MMP26: variants seen among roughly 807,000 people sequenced by gnomAD.
MMP26 encodes the protein matrix metallopeptidase 26, also known as matrix metalloproteinase-26.
In MMP26, 33 loss-of-function variants were observed where a neutral mutation model predicts 31.0. The ratio of observed to expected loss-of-function variants is 1.06; its 90% CI spans 0.81 to 1.42. The LOEUF (loss-of-function observed/expected upper bound fraction) is 1.42. MMP26 is among the 40% of genes most tolerant of loss of function. The pLI is 0.00. For missense variants in MMP26, 347 were observed against 316.1 expected, an observed-to-expected ratio of 1.10 and a Z score of -0.74; for synonymous variants, 122 against 114.9, an observed-to-expected ratio of 1.06 and a Z score of -0.40.
At chr11:4,857,061 A>C (rs1016783656) in intron 2 of MMP26, among the ~76,000 whole-genome samples, 2 of 152,210 alleles carry the variant, frequency 1.3e-5, no homozygotes, top group Non-Finnish European at 2.9e-5. Flanking sequence ...TCTCTGGGAC[A>C]CATTTAAAGC....
rs1486676515 is a variant in MMP26, at chr11:4,821,589, C to T, written c.-145+54248C>T. Reference sequence around the variant, plus strand: ...TGTTTGTGGTCCTCTGTGAACGGAGCCTCCATAAGCCTATGTACTATTTCC... The same window carrying T: ...TGTTTGTGGTCCTCTGTGAACGGAGTCTCCATAAGCCTATGTACTATTTCC... On this transcript the variant is annotated intron_variant, in intron 2 of 7. Coordinates refer to ENST00000380390, the MANE Select transcript of MMP26 (RefSeq NM_021801.5). 1.9e-6 allele frequency: 3 copies of T among 1,613,346 alleles called. No individual in the cohort carries two copies. The South Asian group carries it at 3.3e-5, about 18-fold the overall frequency.
chr11:4,838,672 G>A (rs1183983397), intron 2 of MMP26, among the ~76,000 whole-genome samples: 13 of 152,084 alleles, frequency 8.5e-5, no homozygotes, highest in Non-Finnish European at 1.2e-4. Context: ...TTGGAGGAAT[G>A]AGGAATTTCT....
chr11:4,830,038 C>G (rs764017684), intron 2 of MMP26: 5 of 152,116 alleles, frequency 3.3e-5, no homozygotes, highest in Non-Finnish European at 7.4e-5. Flanking sequence ...CAAATCAAAG[C>G]AAAATTAAAA....
At chr11:4,992,155 A>G (rs1847017098) in intron 7 of MMP26, 30 bp downstream of exon 7, 7 of 1,609,564 alleles carry the variant, frequency 4.3e-6, no homozygotes, top group Non-Finnish European at 5.9e-6. Flanking sequence ...GAGAAGGGAG[A>G]TCTGGGCAGG....
intron 2 of MMP26, among the ~76,000 whole-genome samples, chr11:4,942,087 C>T (rs1564811472): frequency 1.1e-4 from 1 of 9,306 alleles, no homozygotes; most frequent in Non-Finnish European, 2.1e-4. Flanking sequence ...GAGAGTCCAT[C>T]TCAAAAAAAA....
chr11:4,849,309 A>T (rs1324182134), intron 2 of MMP26: 2 of 1,298,546 alleles, frequency 1.5e-6, no homozygotes, highest in African/African-American at 1.5e-5. Context: ...AATAGCCTGC[A>T]TCTTCCCTTC....
intron 2 of MMP26, among the ~76,000 whole-genome samples, chr11:4,772,721 C>A (rs964438004): frequency 1.3e-5 from 2 of 152,182 alleles, no homozygotes; most frequent in Non-Finnish European, 2.9e-5. Context: ...GATGCAGACA[C>A]TTTACAGTCT....
chr11:4,795,110 C>T (rs1055239866), intron 2 of MMP26: 1 of 152,192 alleles, frequency 6.6e-6, no homozygotes, highest in African/African-American at 2.4e-5. Flanking sequence ...GTAAGACCAC[C>T]TCACTCATCA....
chr11:4,776,476 T>C (rs562849015), intron 2 of MMP26, among the ~76,000 whole-genome samples: 2 of 147,702 alleles, frequency 1.4e-5, no homozygotes, highest in South Asian at 2.1e-4. Flanking sequence ...TTTTTAATAA[T>C]AGCATTTCTG....
At chr11:4,871,543 C>T (rs1589925263) in intron 2 of MMP26, among the ~76,000 whole-genome samples, 1 of 152,060 alleles carries the variant, frequency 6.6e-6, no homozygotes, top group African/African-American at 2.4e-5. Flanking sequence ...GGGAATAAGA[C>T]AAAGTAGACT....
At chr11:4,804,076 AT>A in intron 2 of MMP26, 1 of 1,614,106 alleles carries the variant, frequency 6.2e-7, no homozygotes, top group Non-Finnish European at 8.5e-7. Context: ...GAACACCTGG[AT>A]GAGGCAGGCA....
At chr11:4,869,249 G>A (rs1024717970) in intron 2 of MMP26, among the ~76,000 whole-genome samples, 22 of 151,812 alleles carry the variant, frequency 1.4e-4, no homozygotes, top group Non-Finnish European at 2.4e-4. Context: ...CTTCTGCACA[G>A]CAAAAGAAAC....
intron 2 of MMP26, chr11:4,946,757 G>T: frequency 6.3e-7 from 1 of 1,588,450 alleles, no homozygotes; most frequent in Non-Finnish European, 8.6e-7. Flanking sequence ...CAGGAGGACT[G>T]AGGACTCCAG....
chr11:4,897,786 T>A (rs1168389297), intron 2 of MMP26, among the ~76,000 whole-genome samples: 3 of 151,738 alleles, frequency 2.0e-5, no homozygotes, highest in Non-Finnish European at 4.4e-5. Context: ...ATAATGTGCT[T>A]CCATTTAACT....
At chr11:4,745,526 C>T (rs1177550005) in intron 1 of MMP26, among the ~76,000 whole-genome samples, 1 of 152,208 alleles carries the variant, frequency 6.6e-6, no homozygotes, top group Non-Finnish European at 1.5e-5. Context: ...GCGCCACATG[C>T]ACATCCTACC....
In MMP26 at chr11:4,750,624, A is replaced by G. The variant is rs536307528; in HGVS notation, c.-216-16646A>G. ...ATGAAGTGATGTTTTTTGCAGTAACATTGATGGGACTAGAGGACATTATCT... is the reference window on the plus strand; with the variant it reads ...ATGAAGTGATGTTTTTTGCAGTAACGTTGATGGGACTAGAGGACATTATCT... On this transcript the variant is annotated intron_variant, in intron 1 of 7. Coordinates refer to ENST00000380390, the MANE Select transcript of MMP26 (RefSeq NM_021801.5). Among the ~76,000 whole-genome samples, 22 of 152,184 alleles carry G rather than the reference A, an allele frequency of 1.4e-4. 1 individual carries two copies. The South Asian group carries it at 2.5e-3, about 17-fold the overall frequency.
At chr11:4,949,886 T>A (rs1335193487) in intron 2 of MMP26, among the ~76,000 whole-genome samples, 3 of 123,414 alleles carry the variant, frequency 2.4e-5, no homozygotes, top group African/African-American at 8.2e-5. Context: ...TTTCAGGGTA[T>A]ACATACCCAT....
chr11:4,848,958 G>A, intron 2 of MMP26: 3 of 1,614,152 alleles, frequency 1.9e-6, no homozygotes, highest in South Asian at 1.1e-5. Flanking sequence ...GGGCATCAGG[G>A]CAGTGACCAA....
intron 2 of MMP26, among the ~76,000 whole-genome samples, chr11:4,911,841 A>G (rs1850996904): frequency 6.6e-6 from 1 of 152,214 alleles, no homozygotes; most frequent in South Asian, 2.1e-4. Flanking sequence ...CTCTACCACC[A>G]AAATGTAAGT....
Sources: gnomAD v4.1 joint callset for allele counts (sites outside exome capture counted in the v4.1 genomes callset) on GRCh38, gnomAD v4.1.1 for gene constraint, MANE v1.5 for transcripts, NCBI Gene and HGNC (gene_info 2026-07-23, HGNC 2026-07-21) for gene names.